PUS7L: variants seen among roughly 807,000 people sequenced by gnomAD.
PUS7L encodes pseudouridylate synthase PUS7L.
PUS7L carries 49 observed loss-of-function variants against 51.1 expected under a neutral mutation model. The observed-to-expected ratio is 0.96, with a 90% CI of 0.76 to 1.22. PUS7L has a LOEUF of 1.22. Among genes scored for constraint, PUS7L ranks in the 50% most tolerant of loss-of-function variants. The pLI is 0.00. For missense variants in PUS7L, 828 were observed against 820.6 expected (o/e 1.01, Z -0.11); for synonymous variants, 277 against 276.2 (o/e 1.00, Z -0.03).
At position 43,754,876 on chromosome 12, in the gene PUS7L, C is replaced by T; in HGVS notation, c.370G>A (p.Val124Ile). 1 of 1,613,710 alleles carries T rather than the reference C, an allele frequency of 6.2e-7. No individual in the cohort carries two copies. The highest frequency in any genetic ancestry group is 8.5e-7 in the Non-Finnish European group (1 of 1,179,836). ...TTTTCATCCAAAAAGGAGCTTAAAA[C>T]ATCAGCTTTTTCTTCACATTTGGAA... ...GTSKCEEKAD[V>I]LSSFLDEKTH... Residue 124 changes from valine (V) to isoleucine (I), a missense_variant, in exon 2 of 9, where the codon GTT (valine) becomes ATT (isoleucine). Transcript: ENST00000344862.
At chr12:43,756,994 AT>A (rs1938737749) in intron 1 of PUS7L, among the ~76,000 whole-genome samples, 1 of 152,254 alleles carries the variant, frequency 6.6e-6, no homozygotes, top group African/African-American at 2.4e-5. Context: ...CTCCAAACTC[AT>A]TTGTACCTTT....
chr12:43,746,155 C>A lies in PUS7L; in HGVS notation c.1154G>T (p.Gly385Val). 1 of 1,531,076 alleles carries A rather than the reference C, an allele frequency of 6.5e-7. No individual in the cohort carries two copies. The allele number at this position is 1,531,076 out of a possible 1,614,324, so 94.8% of individuals were successfully genotyped here. ...ATCAAAGTGATTTCCTTTGAGCTGA[C>A]CAAGTCTCAGGGAATCATCTACAGA... ...IRSVDDSLRL[G>V]QLKGNHFDIV... Residue 385 changes from glycine (G) to valine (V), a missense_variant, in exon 4 of 9, where the codon GGT becomes GTT. Physicochemically the swap from Gly to Val is moderately radical, Grantham distance 109. Coordinates refer to ENST00000344862, the MANE Select transcript of PUS7L (RefSeq NM_031292.5).
intron 2 of PUS7L, among the ~76,000 whole-genome samples, chr12:43,752,310 A>T (rs1224388932): frequency 6.6e-6 from 1 of 152,212 alleles, no homozygotes; most frequent in Non-Finnish European, 1.5e-5. Context: ...CTCACAGCAT[A>T]GCAGCTGGCT....
Position 43,754,263 on chromosome 12 carries a change from GTTCAA to G in PUS7L, c.910+68_910+72del, listed in dbSNP as rs1938584698. 2.8e-6 allele frequency: 3 copies of G among 1,054,446 alleles called. No individual in the cohort carries two copies. The South Asian group carries it at 4.8e-5, about 17-fold the overall frequency. 65.3% of individuals were successfully genotyped at this position (1,054,446 alleles called of 1,614,324 possible). On this transcript the variant is annotated intron_variant, in intron 2 of 8. Transcript: ENST00000344862. ...CTTTCCAATCTCTCTAGCCAAGTCT[GTTCAA>G]TTCATTTTCACAATTTTAAATTTAG... is the stretch of plus-strand genomic sequence containing the variant.
intron 2 of PUS7L, among the ~76,000 whole-genome samples, chr12:43,750,197 T>TGAGA (rs1565642889): frequency 3.3e-5 from 5 of 151,554 alleles, no homozygotes; most frequent in African/African-American, 1.2e-4. Flanking sequence ...CCCAGCTTGT[T>TGAGA]TATCAGTTTG....
In PUS7L at chr12:43,730,347, T is replaced by TA. The variant is rs770538677; in HGVS notation, c.*28dup. 1.9e-6 allele frequency: 3 copies of TA among 1,552,408 alleles called. No individual in the cohort carries two copies. The African/African-American group carries it at 4.1e-5, about 21-fold the overall frequency. The stretch of plus-strand genomic sequence containing the variant: ...GCCCCCTTTCCTTCAAAGAGTGACA[T>TA]ATATATGGTTATACCAAGGGTATCA... On this transcript the variant is annotated 3_prime_UTR_variant, in exon 9 of 9. Coordinates refer to ENST00000344862, the MANE Select transcript of PUS7L (RefSeq NM_031292.5).
chr12:43,751,787 T>C (rs565882518), intron 2 of PUS7L, among the ~76,000 whole-genome samples: 684 of 152,338 alleles, frequency 4.5e-3, no homozygotes, highest in Non-Finnish European at 5.7e-3. Flanking sequence ...TCTTCCACAA[T>C]GGTTGAACTA....
At chr12:43,731,354 G>A (rs1157973856) in intron 8 of PUS7L, among the ~76,000 whole-genome samples, 4 of 152,132 alleles carry the variant, frequency 2.6e-5, no homozygotes, top group Non-Finnish European at 4.4e-5. Flanking sequence ...GCCATATACT[G>A]TAGTATTCCA....
Position 43,728,475 on chromosome 12 carries a change from C to T in PUS7L, c.*1901G>A, listed in dbSNP as rs933274006. On this transcript the variant is annotated 3_prime_UTR_variant, in exon 9 of 9. Transcript: ENST00000344862. ...ATTTTATGATTACATTTATAGGATA[C>T]GATTTATCATATAAAATAAAACATT... The T allele has an allele frequency of 6.6e-5, 10 of 151,834 alleles. No individual in the cohort carries two copies. The highest frequency in any genetic ancestry group is 1.5e-4 in the Non-Finnish European group (10 of 67,930). The allele number at this position is 151,834 out of a possible 1,614,324, so 9.4% of individuals were successfully genotyped here. A position where few individuals can be genotyped will look rare whatever the true frequency, so the allele number is the denominator to read the frequency against.
chr12:43,742,162 G>C (rs1937932867), intron 5 of PUS7L, among the ~76,000 whole-genome samples: 1 of 152,064 alleles, frequency 6.6e-6, no homozygotes, highest in Non-Finnish European at 1.5e-5. Context: ...TGGGATTGTA[G>C]GATCAAAATT....
In PUS7L at chr12:43,723,936, C is replaced by T. The variant is rs1360029539; in HGVS notation, c.*6440G>A. On this transcript the variant is annotated 3_prime_UTR_variant, in exon 9 of 9. Transcript: ENST00000344862. ...CAAAACCATTCTGAACAAATGCAAT[C>T]ATAACCCATTAATTCCCTTAAATTT... 1.3e-5 allele frequency: 2 copies of T among 152,048 alleles called. No homozygotes were observed. Among genetic ancestry groups the T allele is most frequent in the Non-Finnish European group, 2.9e-5 (2 of 67,950 alleles). 9.4% of individuals were successfully genotyped at this position (152,048 alleles called of 1,614,324 possible).
In PUS7L at chr12:43,754,835, C is replaced by T; in HGVS notation, c.411G>A (p.Leu137=). The change falls in exon 2 of 9, where the codon CTG becomes CTA. Residue 137 remains leucine (L), a synonymous_variant. Transcript: ENST00000344862. ...SFLDEKTHEL[L]NNFACDVREK... is the part of the protein sequence containing the mutation. The stretch of plus-strand genomic sequence containing the variant: ...CTCTTACATCACAGGCAAAATTATT[C>T]AGTAACTCATGAGTTTTTTCATCCA... 6.2e-7 allele frequency: 1 copy of T among 1,613,702 alleles called. No individual in the cohort carries two copies. The highest frequency in any genetic ancestry group is 8.5e-7 in the Non-Finnish European group (1 of 1,179,842).
intron 5 of PUS7L, chr12:43,738,839 C>T: frequency 3.2e-6 from 1 of 308,680 alleles, no homozygotes; most frequent in Non-Finnish European, 6.5e-6. Flanking sequence ...TCTTAACAAC[C>T]CACCAGAAGA....
Position 43,736,485 on chromosome 12 carries a change from C to T in PUS7L, c.1621G>A (p.Glu541Lys). ...VHAYTSKIWN[E>K]AVSYRLETYG... ...GTTTCAAGTCTGTAAGATACTGCCT[C>T]ATTCCAAATTTTGCTGGTATATGCG... Residue 541 changes from glutamate to lysine, a missense_variant, in exon 7 of 9, where the codon GAG (glutamate) becomes AAG (lysine). By Grantham distance (56) the Glu-to-Lys change is moderately conservative (BLOSUM62 1). Coordinates refer to ENST00000344862, the MANE Select transcript of PUS7L (RefSeq NM_031292.5). The T allele has an allele frequency of 6.2e-7, 1 of 1,614,206 alleles. No homozygotes were observed. The highest frequency in any genetic ancestry group is 8.5e-7 in the Non-Finnish European group (1 of 1,180,032).
chr12:43,739,908 T>G (rs1937810069), intron 5 of PUS7L: 3 of 151,938 alleles, frequency 2.0e-5, no homozygotes, highest in Non-Finnish European at 4.4e-5. Context: ...CAACCTAGAG[T>G]TCTGTCATCC....
In PUS7L at chr12:43,720,773, A is replaced by G. The variant is rs143507353; in HGVS notation, c.*9603T>C. On this transcript the variant is annotated 3_prime_UTR_variant, in exon 9 of 9. Coordinates refer to ENST00000344862, the MANE Select transcript of PUS7L (RefSeq NM_031292.5). ...TTTCTTTTTATTATTGATGTTTTGC[A>G]TATTCACTATGATGTATCTCAATGT... 6.6e-6 allele frequency: 1 copy of G among 152,324 alleles called. No individual in the cohort carries two copies. Among genetic ancestry groups the G allele is most frequent in the African/African-American group, 2.4e-5 (1 of 41,580 alleles). 9.4% of individuals were successfully genotyped at this position (152,324 alleles called of 1,614,324 possible).
At chr12:43,740,166 AT>A (rs1177228076) in intron 5 of PUS7L, among the ~76,000 whole-genome samples, 2 of 152,302 alleles carry the variant, frequency 1.3e-5, no homozygotes, top group South Asian at 2.1e-4. Context: ...TTTTTAAAAA[AT>A]AATATCTACT....
At position 43,755,254 on chromosome 12, in the gene PUS7L, AAC is replaced by A; in HGVS notation, c.-11_-10del. 1 of 1,553,814 alleles carries A rather than the reference AAC, an allele frequency of 6.4e-7. No homozygotes were observed. Among genetic ancestry groups the A allele is most frequent in the Non-Finnish European group, 8.7e-7 (1 of 1,150,494 alleles). ...TCTGTATCTTCTTCCATTCTTCTAT[AAC>A]AGTGCCTAGAAAACAAAACAAAGAG... On this transcript the variant is annotated 5_prime_UTR_variant, in exon 2 of 9. The change creates a premature stop within an existing upstream ORF in the 5' untranslated region. Transcript: ENST00000344862.
Position 43,731,749 on chromosome 12 carries a change from C to G in PUS7L, c.1735G>C (p.Val579Leu), listed in dbSNP as rs777763973. ...ENFPNSKIHL[V>L]TEEEGSANMY... ...TTAGCTGATCCCTCCTCTTCAGTTA[C>G]CAGGTGAATCTAGTTTTAAAAAACA... Residue 579 changes from valine to leucine, a missense_variant, in exon 8 of 9, where the codon GTA becomes CTA. Physicochemically the swap from Val to Leu is conservative, Grantham distance 32. Transcript: ENST00000344862. The G allele has an allele frequency of 2.5e-6, 4 of 1,571,816 alleles. No homozygotes were observed. The Admixed American group carries it at 7.0e-5, about 28-fold the overall frequency.
Sources: gnomAD v4.1 joint callset for allele counts (sites outside exome capture counted in the v4.1 genomes callset) on GRCh38, gnomAD v4.1.1 for gene constraint, MANE v1.5 for transcripts, NCBI Gene and HGNC (gene_info 2026-07-23, HGNC 2026-07-21) for gene names.